AFF1: variants seen among roughly 807,000 people sequenced by gnomAD.
AFF1 encodes ALF transcription elongation factor 1.
A neutral mutation model predicts 121.7 loss-of-function variants in AFF1; 48 were observed. The ratio of observed to expected loss-of-function variants is 0.39; its 90% CI spans 0.31 to 0.50. AFF1 has a LOEUF of 0.50. Ranked by LOEUF, AFF1 falls within the 20% of genes least tolerant of loss-of-function variation. AFF1 has a pLI of 0.76. For missense variants in AFF1, 1,523 were observed against 1,511.7 expected (o/e 1.01, Z -0.12); for synonymous variants, 613 against 563.0 (o/e 1.09, Z -1.26).
chr4:87,139,218 C>A lies in AFF1; in HGVS notation c.*3517C>A, dbSNP rs767372184. On this transcript the variant is annotated 3_prime_UTR_variant, in exon 21 of 21. Coordinates refer to ENST00000395146, the MANE Select transcript of AFF1 (RefSeq NM_001166693.3). ...TTTTTAAATACCGCTGTGTTTGTTT[C>A]GCCATGGCTTCAGGGATGCTACATG... 2 of 232,192 alleles carry A rather than the reference C, an allele frequency of 8.6e-6. No individual in the cohort carries two copies. Among genetic ancestry groups the A allele is most frequent in the Non-Finnish European group, 1.7e-5 (2 of 117,478 alleles). The allele number at this position is 232,192 out of a possible 1,614,324, so 14.4% of individuals were successfully genotyped here. A position where few individuals can be genotyped will look rare whatever the true frequency, so the allele number is the denominator to read the frequency against.
chr4:87,038,080 C>G (rs957783416), intron 2 of AFF1, among the ~76,000 whole-genome samples: 1 of 152,148 alleles, frequency 6.6e-6, no homozygotes, highest in African/African-American at 2.4e-5. Context: ...GGGGGCTCTT[C>G]CAGGAAAACA....
At chr4:87,088,604 A>G (rs1723969704) in intron 5 of AFF1, among the ~76,000 whole-genome samples, 1 of 121,414 alleles carries the variant, frequency 8.2e-6, no homozygotes, top group African/African-American at 3.3e-5. Flanking sequence ...GTTGTATGTC[A>G]ATTTTTTTTT....
chr4:87,041,327 G>A (rs1273068716), intron 2 of AFF1, among the ~76,000 whole-genome samples: 1 of 152,174 alleles, frequency 6.6e-6, no homozygotes, highest in African/African-American at 2.4e-5. Flanking sequence ...TCATTCCTTG[G>A]CCAGGCTGCT....
At chr4:87,087,552 G>A (rs1430555530) in intron 5 of AFF1, among the ~76,000 whole-genome samples, 1 of 152,232 alleles carries the variant, frequency 6.6e-6, no homozygotes, top group African/African-American at 2.4e-5. Context: ...CATGTGACAA[G>A]TCATTGTTAA....
rs200120936 is a variant in AFF1 at position 87,127,666 on chromosome 4, G to A, written c.2927G>A (p.Arg976Lys). ...AGACAACAAGCAGACCTTCACATGAGGGAGGCAAAAAAGATGAAGCAGAAA... is the reference window on the plus strand; with the variant it reads ...AGACAACAAGCAGACCTTCACATGAAGGAGGCAAAAAAGATGAAGCAGAAA... ...FDKQQADLHM[R>K]EAKKMKQKAE... Residue 976 changes from arginine (R) to lysine (K), a missense_variant, in exon 16 of 21, where the codon AGG becomes AAG. Arg to Lys is a conservative substitution (Grantham distance 26). Transcript: ENST00000395146. The A allele has an allele frequency of 9.9e-6, 16 of 1,614,092 alleles. No individual in the cohort carries two copies. In the East Asian group the frequency reaches 3.6e-4, roughly 36 times the overall value.
At chr4:87,131,929 G>C in intron 18 of AFF1, 65 bp downstream of exon 18, 1 of 1,357,068 alleles carries the variant, frequency 7.4e-7, no homozygotes, top group South Asian at 1.5e-5. Context: ...GTTACAAAAA[G>C]ATTCTGAAAT....
intron 2 of AFF1, among the ~76,000 whole-genome samples, chr4:86,973,098 G>T (rs1238289340): frequency 6.6e-6 from 1 of 152,176 alleles, no homozygotes; most frequent in Admixed American, 6.5e-5. Flanking sequence ...GATACTGCTT[G>T]TGGCTTCTGA....
At position 87,060,839 on chromosome 4, in the gene AFF1, A is replaced by C. The variant is rs1295264007; in HGVS notation, c.1059+13245A>C. ...GGCGAGAGTGAGACTCTGTCTCAAA[A>C]AAAAAAAAAAAAAAAAAAAAAAAAA... On this transcript the variant is annotated intron_variant, in intron 4 of 20. Coordinates refer to ENST00000395146, the MANE Select transcript of AFF1 (RefSeq NM_001166693.3). Among the ~76,000 whole-genome samples the C allele has an allele frequency of 2.4e-3, 275 of 112,490 alleles. 1 individual carries two copies. Among genetic ancestry groups the C allele is most frequent in the African/African-American group, 7.9e-3 (251 of 31,658 alleles). The allele number at this position is 112,490 out of a possible 152,430, so 73.8% of individuals were successfully genotyped here. A position where few individuals can be genotyped will look rare whatever the true frequency, so the allele number is the denominator to read the frequency against.
intron 2 of AFF1, among the ~76,000 whole-genome samples, chr4:86,990,252 G>T (rs1241862485): frequency 6.6e-6 from 1 of 151,586 alleles, no homozygotes; most frequent in African/African-American, 2.4e-5. Flanking sequence ...GGAGGCTGAG[G>T]CAGGAGAATT....
rs375205363 is a variant in AFF1 at position 86,994,036 on chromosome 4, C to T, written c.38+45465C>T. On this transcript the variant is annotated intron_variant, in intron 2 of 20. Coordinates refer to ENST00000395146, the MANE Select transcript of AFF1 (RefSeq NM_001166693.3). ...AGGAAATCTGGGATGGGACCTAAAA[C>T]TGCATTTCTTATAGGCCTCTCATGT... Among the ~76,000 whole-genome samples the T allele has an allele frequency of 1.4e-4, 22 of 152,324 alleles. No individual in the cohort carries two copies. In the East Asian group the frequency reaches 1.7e-3, roughly 12 times the overall value.
At chr4:87,016,032 T>G (rs753987233) in intron 2 of AFF1, among the ~76,000 whole-genome samples, 1 of 152,134 alleles carries the variant, frequency 6.6e-6, no homozygotes, top group Non-Finnish European at 1.5e-5. Flanking sequence ...AATACAAACA[T>G]TAGCTGGGCG....
At chr4:86,955,273 A>T (rs1340180559) in intron 2 of AFF1, among the ~76,000 whole-genome samples, 1 of 152,258 alleles carries the variant, frequency 6.6e-6, no homozygotes, top group Non-Finnish European at 1.5e-5. Context: ...GCGTCAACTC[A>T]AATACCACTT....
intron 5 of AFF1, among the ~76,000 whole-genome samples, chr4:87,088,204 C>T (rs58565346): frequency 6.6e-6 from 1 of 152,190 alleles, no homozygotes; most frequent in African/African-American, 2.4e-5. Context: ...AGCCATTATT[C>T]TTTCCAGTAT....
At chr4:87,095,212 G>A (rs934343453) in intron 8 of AFF1, among the ~76,000 whole-genome samples, 3 of 152,128 alleles carry the variant, frequency 2.0e-5, no homozygotes, top group Non-Finnish European at 4.4e-5. Flanking sequence ...TCTGCCTCCC[G>A]GGCTCAAGCG....
chr4:87,044,925 A>AT (rs1490936162), intron 2 of AFF1, among the ~76,000 whole-genome samples: 2 of 152,304 alleles, frequency 1.3e-5, no homozygotes, highest in Middle Eastern at 3.4e-3. Context: ...CAAAGCAAGA[A>AT]TTTAGAGTTT....
chr4:87,036,837 T>TCCCC (rs757984901), intron 2 of AFF1: 27 of 475,292 alleles, frequency 5.7e-5, no homozygotes, highest in African/African-American at 1.3e-4. Flanking sequence ...CCCTCCCCCA[T>TCCCC]CCCCCCTTTT....
chr4:86,980,947 A>AC (rs57473395), intron 2 of AFF1, among the ~76,000 whole-genome samples: 13,084 of 101,358 alleles, frequency 0.13, 1,363 homozygotes, highest in African/African-American at 0.18. Context: ...GGCTTGAGGC[A>AC]CCCCCCCCCT....
intron 4 of AFF1, among the ~76,000 whole-genome samples, chr4:87,076,994 A>G (rs779614877): frequency 6.6e-6 from 1 of 152,218 alleles, no homozygotes; most frequent in Non-Finnish European, 1.5e-5. Context: ...AATGATGATT[A>G]TGGTGTCTTC....
At chr4:86,974,022 A>G (rs1188018155) in intron 2 of AFF1, 1 of 152,288 alleles carries the variant, frequency 6.6e-6, no homozygotes, top group African/African-American at 2.4e-5. Context: ...TTAAAGGATC[A>G]TAGAAAACAG....
Sources: gnomAD v4.1 joint callset for allele counts (sites outside exome capture counted in the v4.1 genomes callset) on GRCh38, gnomAD v4.1.1 for gene constraint, MANE v1.5 for transcripts, NCBI Gene and HGNC (gene_info 2026-07-23, HGNC 2026-07-21) for gene names.